The following FTO variants were observed in gnomAD, a reference collection of about 807,000 sequenced individuals.
The protein encoded by FTO is FTO alpha-ketoglutarate dependent dioxygenase.
In FTO, 47 loss-of-function variants were observed where a neutral mutation model predicts 63.9. The ratio of observed to expected loss-of-function variants is 0.74; its 90% CI spans 0.58 to 0.94. FTO has a LOEUF of 0.94. FTO is among the 40% of genes least tolerant of loss of function. The pLI, the probability that FTO is intolerant of heterozygous loss-of-function variation, is 0.00. For synonymous variants in FTO, 207 were observed against 224.4 expected, an observed-to-expected ratio of 0.92 and a Z score of 0.69; for missense variants, 562 against 618.1, an observed-to-expected ratio of 0.91 and a Z score of 0.96.
At chr16:53,794,409 C>T (rs1298281935) in intron 1 of FTO, among the ~76,000 whole-genome samples, 1 of 152,160 alleles carries the variant, frequency 6.6e-6, no homozygotes, top group Non-Finnish European at 1.5e-5. Context: ...ACATAAAGGG[C>T]TAGTAAGCTG....
chr16:53,708,810 T>C (rs2075694922), intron 1 of FTO, among the ~76,000 whole-genome samples: 1 of 152,224 alleles, frequency 6.6e-6, no homozygotes, highest in South Asian at 2.1e-4. Flanking sequence ...ATTGGACATG[T>C]GTATATCTTC....
intron 7 of FTO, among the ~76,000 whole-genome samples, chr16:53,910,362 A>G (rs1159030438): frequency 6.6e-6 from 1 of 152,120 alleles, no homozygotes; most frequent in South Asian, 2.1e-4. Flanking sequence ...TGAGTAGGAA[A>G]GTGATCCAAT....
At chr16:54,044,963 G>T (rs2085148289) in intron 8 of FTO, among the ~76,000 whole-genome samples, 1 of 107,998 alleles carries the variant, frequency 9.3e-6, no homozygotes, top group Non-Finnish European at 1.7e-5. Context: ...AAAGCAGTGT[G>T]TAGAGGGAAA....
rs529183913 is a variant in FTO at position 54,064,747 on chromosome 16, G to A, written c.1365-47015G>A. On this transcript the variant is annotated intron_variant, in intron 8 of 8. Transcript: ENST00000471389. The stretch of plus-strand genomic sequence containing the variant: ...GTTGGTAATGGGATGTAAATCTCCC[G>A]GTGCACACCTGATTAAACAGGCCTG... Among the ~76,000 whole-genome samples the A allele has an allele frequency of 3.9e-5, 6 of 152,076 alleles. No individual in the cohort carries two copies. In the East Asian group the frequency reaches 7.7e-4, roughly 20 times the overall value.
chr16:53,733,872 A>T (rs1274266203), intron 1 of FTO, among the ~76,000 whole-genome samples: 2 of 152,074 alleles, frequency 1.3e-5, no homozygotes, highest in Non-Finnish European at 2.9e-5. Flanking sequence ...GAATAAAAAG[A>T]GGTTTAAATT....
intron 7 of FTO, among the ~76,000 whole-genome samples, chr16:53,922,142 T>TG (rs2082021619): frequency 6.6e-6 from 1 of 152,208 alleles, no homozygotes; most frequent in African/African-American, 2.4e-5. Context: ...GTAGAGATCT[T>TG]GGATTGTGTC....
At chr16:53,900,677 C>A (rs1434778143) in intron 7 of FTO, among the ~76,000 whole-genome samples, 1 of 114,154 alleles carries the variant, frequency 8.8e-6, no homozygotes, top group Non-Finnish European at 1.6e-5. Context: ...GGACTTATGT[C>A]TCCCAGGTTG....
chr16:54,099,764 ACAGTCCCTGAAGTAGGG>A (rs1407232747), intron 8 of FTO, among the ~76,000 whole-genome samples: 2 of 152,220 alleles, frequency 1.3e-5, no homozygotes, highest in Admixed American at 1.3e-4. Context: ...AGGGCCTGCC[ACAGTCCCTGAAGTAGGG>A]GGAGGACTTC....
At chr16:54,064,894 G>A (rs1320060930) in intron 8 of FTO, among the ~76,000 whole-genome samples, 1 of 152,048 alleles carries the variant, frequency 6.6e-6, no homozygotes, top group Non-Finnish European at 1.5e-5. Flanking sequence ...TAACTTGAGA[G>A]CTAAGGTCAT....
chr16:54,066,180 C>T (rs1365727977), intron 8 of FTO, among the ~76,000 whole-genome samples: 1 of 152,160 alleles, frequency 6.6e-6, no homozygotes, highest in East Asian at 1.9e-4. Context: ...TTTTTGCTGT[C>T]CCAGGAGACT....
chr16:53,996,768 A>G lies in FTO; in HGVS notation c.1364+62659A>G, dbSNP rs532651282. On this transcript the variant is annotated intron_variant, in intron 8 of 8. Transcript: ENST00000471389. ...AACACATCCTTCTTCACATGGTGGC[A>G]GCAAGGAGAAGTGTCGAGCAAAAGG... 1.2e-3 allele frequency among the ~76,000 whole-genome samples: 182 copies of G among 152,216 alleles called. 2 individuals are homozygous for G. Among genetic ancestry groups the G allele is most frequent in the Middle Eastern group, 6.8e-3 (2 of 294 alleles).
chr16:53,727,942 C>T lies in FTO; in HGVS notation c.45+23713C>T, dbSNP rs79044413. ...TTACATCCAGTGTTAGCAGGAAAGA[C>T]ATCAAACAGTAGTAAGGGGCCAGGT... On this transcript the variant is annotated intron_variant, in intron 1 of 8. Transcript: ENST00000471389. 1.1e-3 allele frequency among the ~76,000 whole-genome samples: 170 copies of T among 152,240 alleles called. 1 individual carries two copies. Among genetic ancestry groups the T allele is most frequent in the Non-Finnish European group, 1.9e-3 (131 of 68,000 alleles).
intron 8 of FTO, among the ~76,000 whole-genome samples, chr16:53,996,980 G>T (rs148671601): frequency 1.3e-5 from 2 of 152,080 alleles, no homozygotes; most frequent in Non-Finnish European, 2.9e-5. Flanking sequence ...TGGCGTGGTG[G>T]CGGGTGCCTG....
At chr16:53,868,501 TATACTC>T (rs1239392964) in intron 4 of FTO, among the ~76,000 whole-genome samples, 4 of 152,136 alleles carry the variant, frequency 2.6e-5, no homozygotes, top group African/African-American at 9.7e-5. Context: ...TCTCATCTCT[TATACTC>T]ATTGCTATCA....
At chr16:53,996,954 C>CA (rs1428762766) in intron 8 of FTO, among the ~76,000 whole-genome samples, 5 of 151,726 alleles carry the variant, frequency 3.3e-5, no homozygotes, top group East Asian at 3.9e-4. Context: ...ACTAAAAATA[C>CA]AAAAAAAATT....
chr16:53,821,340 A>T, intron 2 of FTO, among the ~76,000 whole-genome samples: 1 of 152,200 alleles, frequency 6.6e-6, no homozygotes, highest in East Asian at 1.9e-4. Context: ...TCACTTCTTC[A>T]TCATTGCTTT....
At chr16:53,716,787 A>C (rs1246020142) in intron 1 of FTO, among the ~76,000 whole-genome samples, 10 of 151,418 alleles carry the variant, frequency 6.6e-5, no homozygotes, top group Admixed American at 6.6e-4. Context: ...AAAAACTAAC[A>C]AATATGGAAA....
chr16:53,787,103 T>G (rs549515966), intron 1 of FTO, among the ~76,000 whole-genome samples: 96 of 79,156 alleles, frequency 1.2e-3, no homozygotes, highest in Middle Eastern at 0.016. Context: ...AGAGTGAGAC[T>G]CCTTCTCAAA....
At chr16:53,840,781 C>T (rs1347162812) in intron 3 of FTO, among the ~76,000 whole-genome samples, 1 of 152,070 alleles carries the variant, frequency 6.6e-6, no homozygotes, top group Non-Finnish European at 1.5e-5. Context: ...GTGGGGACTG[C>T]GACTAGCAAA....
Sources: allele counts gnomAD v4.1 joint callset (sites outside exome capture counted in the v4.1 genomes callset), GRCh38; gene constraint gnomAD v4.1.1; transcripts MANE v1.5; gene names NCBI Gene and HGNC (gene_info 2026-07-23, HGNC 2026-07-21).